The following EPB41L3 variants were observed in gnomAD, a reference collection of about 807,000 sequenced individuals.
The protein encoded by EPB41L3 is erythrocyte membrane protein band 4.1 like 3, also known as band 4.1-like protein 3.
Under a neutral mutation model 127.1 loss-of-function variants are expected in EPB41L3, and 57 were observed. That is an observed-to-expected ratio of 0.45 (90% CI 0.36 to 0.56). The LOEUF (loss-of-function observed/expected upper bound fraction) is 0.56. Ranked by LOEUF, EPB41L3 falls within the 20% of genes least tolerant of loss-of-function variation. The pLI, the probability that EPB41L3 is intolerant of heterozygous loss-of-function variation, is 0.00. For missense variants in EPB41L3, 1,273 were observed against 1,372.2 expected, an observed-to-expected ratio of 0.93 and a Z score of 1.14; for synonymous variants, 572 against 549.5, an observed-to-expected ratio of 1.04 and a Z score of -0.57.
At chr18:5,604,146 C>T (rs2094622085) in intron 3 of EPB41L3, among the ~76,000 whole-genome samples, 1 of 152,022 alleles carries the variant, frequency 6.6e-6, no homozygotes, top group South Asian at 2.1e-4. Context: ...GTATACTCTG[C>T]TTGTAATAGT....
chr18:5,584,231 T>C lies in EPB41L3; in HGVS notation c.-306+28109A>G, dbSNP rs926786661. On this transcript the variant is annotated intron_variant, in intron 3 of 21. Transcript: ENST00000545076. ...CAAGACAGCCAATAGCTGGGTCCTTTACCTCTGAGATTAAATCCCTAAGGA... is the reference window on the plus strand; with the variant it reads ...CAAGACAGCCAATAGCTGGGTCCTTCACCTCTGAGATTAAATCCCTAAGGA... Among the ~76,000 whole-genome samples the C allele has an allele frequency of 3.3e-5, 5 of 152,324 alleles. No individual in the cohort carries two copies. The East Asian group carries it at 7.7e-4, about 24-fold the overall frequency.
intron 1 of EPB41L3, among the ~76,000 whole-genome samples, chr18:5,538,321 T>TTAAGCACTTAAGA (rs1177395748): frequency 6.6e-6 from 1 of 152,240 alleles, no homozygotes; most frequent in Admixed American, 6.5e-5. Context: ...GCTCCATTAC[T>TTAAGCACTTAAGA]GTCTCCAGGA....
At chr18:5,479,740 T>C (rs1397737255) in intron 2 of EPB41L3, 1 of 143,740 alleles carries the variant, frequency 7.0e-6, no homozygotes, top group African/African-American at 2.6e-5. Context: ...CCAAAACAGT[T>C]GAGAAGGCAA....
intron 5 of EPB41L3, among the ~76,000 whole-genome samples, chr18:5,438,752 C>A (rs1159154947): frequency 6.6e-6 from 1 of 152,164 alleles, no homozygotes; most frequent in African/African-American, 2.4e-5. Context: ...ACCTCCTCAG[C>A]CTGAGACTTA....
In EPB41L3 at chr18:5,424,919, T is replaced by G. The variant is rs558787582; in HGVS notation, c.1066-560A>C. 4.6e-5 allele frequency among the ~76,000 whole-genome samples: 7 copies of G among 152,334 alleles called. No homozygotes were observed. In the South Asian group the frequency reaches 1.4e-3, roughly 32 times the overall value. On this transcript the variant is annotated intron_variant, in intron 9 of 22. Transcript: ENST00000341928. ...TTATCGTGTTAAATGCTAACGTCTC[T>G]CTATATCATACGTAAGATCAGAGAT... is the stretch of plus-strand genomic sequence containing the variant.
chr18:5,470,357 T>C (rs1264795963), intron 3 of EPB41L3, among the ~76,000 whole-genome samples: 1 of 152,222 alleles, frequency 6.6e-6, no homozygotes, highest in African/African-American at 2.4e-5. Flanking sequence ...AAGCAAAACT[T>C]TACATTAAAG....
At chr18:5,421,370 G>C (rs1210674582) in intron 11 of EPB41L3, among the ~76,000 whole-genome samples, 1 of 152,144 alleles carries the variant, frequency 6.6e-6, no homozygotes, top group Non-Finnish European at 1.5e-5. Context: ...ATAGGTAATA[G>C]AGACACTCTA....
chr18:5,465,365 T>C (rs796953210), intron 3 of EPB41L3, among the ~76,000 whole-genome samples: 6 of 152,276 alleles, frequency 3.9e-5, no homozygotes, highest in African/African-American at 9.6e-5. Flanking sequence ...AAATGAGAAA[T>C]TGAGAGGCAC....
At chr18:5,507,801 G>A (rs1374411152) in intron 1 of EPB41L3, among the ~76,000 whole-genome samples, 1 of 152,168 alleles carries the variant, frequency 6.6e-6, no homozygotes, top group East Asian at 1.9e-4. Flanking sequence ...TAAAACTTAT[G>A]AAATATTACC....
At chr18:5,560,169 G>C (rs913200194) in intron 3 of EPB41L3, among the ~76,000 whole-genome samples, 9 of 152,212 alleles carry the variant, frequency 5.9e-5, no homozygotes, top group African/African-American at 1.9e-4. Context: ...AATGCTGAAA[G>C]TAATCTAAGG....
At chr18:5,535,665 T>C (rs774909295) in intron 1 of EPB41L3, among the ~76,000 whole-genome samples, 52 of 152,256 alleles carry the variant, frequency 3.4e-4, no homozygotes, top group Admixed American at 1.9e-3. Flanking sequence ...GAAGCCTGGG[T>C]GCACCATTCC....
chr18:5,469,846 T>C (rs1227087743), intron 3 of EPB41L3, among the ~76,000 whole-genome samples: 1 of 151,424 alleles, frequency 6.6e-6, no homozygotes, highest in African/African-American at 2.4e-5. Flanking sequence ...CAATCTTGGC[T>C]CACTGCAACC....
chr18:5,410,853 C>A (rs971942428), intron 13 of EPB41L3, among the ~76,000 whole-genome samples: 1 of 152,180 alleles, frequency 6.6e-6, no homozygotes, highest in Non-Finnish European at 1.5e-5. Flanking sequence ...ACTCAGCCTG[C>A]AGGAGCTGGG....
At chr18:5,407,842 C>A in intron 14 of EPB41L3, 106 bp from the exon 15 acceptor site, 4 of 925,366 alleles carry the variant, frequency 4.3e-6, no homozygotes, top group Non-Finnish European at 7.0e-6. Flanking sequence ...CACGTGTACG[C>A]TCTTGCATAT....
At position 5,397,950 on chromosome 18, in the gene EPB41L3, C is replaced by T. The variant is rs147573779; in HGVS notation, c.2472+71G>A. 1.4e-3 allele frequency: 2,306 copies of T among 1,596,082 alleles called. 26 individuals are homozygous for T. The South Asian group carries it at 0.018, about 12-fold the overall frequency. ...CCAGCTGGATGCAACCACACACTCA[C>T]GCCCAAAAAAAGGGTAAGGAAAGGC... On this transcript the variant is annotated intron_variant, in intron 17 of 22. Transcript: ENST00000341928. This position sits in a 1 kb window ranked among gnomAD's most constrained non-coding sequence, Gnocchi z 4.1.
At chr18:5,424,901 G>C (rs185495923) in intron 9 of EPB41L3, among the ~76,000 whole-genome samples, 43 of 152,284 alleles carry the variant, frequency 2.8e-4, no homozygotes, top group African/African-American at 1.0e-3. Context: ...GGATTATCGT[G>C]TTAAATGCTA....
intron 3 of EPB41L3, among the ~76,000 whole-genome samples, chr18:5,586,853 T>A (rs988612611): frequency 1.3e-5 from 2 of 152,292 alleles, no homozygotes; most frequent in Middle Eastern, 3.4e-3. Context: ...CAGGCAGGTG[T>A]TGGAAAAACA....
At chr18:5,510,882 G>A (rs1210230602) in intron 1 of EPB41L3, among the ~76,000 whole-genome samples, 1 of 151,908 alleles carries the variant, frequency 6.6e-6, no homozygotes, top group Non-Finnish European at 1.5e-5. Flanking sequence ...TACCTTAAAA[G>A]CTAGCTCTAT....
intron 1 of EPB41L3, among the ~76,000 whole-genome samples, chr18:5,522,745 G>A (rs1003669270): frequency 6.6e-6 from 1 of 152,040 alleles, no homozygotes; most frequent in Non-Finnish European, 1.5e-5. Flanking sequence ...TTCTGGTTGA[G>A]GGCAAATCTT....
Sources: allele counts gnomAD v4.1 joint callset (sites outside exome capture counted in the v4.1 genomes callset), GRCh38; gene constraint gnomAD v4.1.1; non-coding constraint Gnocchi (gnomAD v3.1); transcripts MANE v1.5; gene names NCBI Gene and HGNC (gene_info 2026-07-23, HGNC 2026-07-21).